Variants in GPR158 observed in about 807,000 individuals in gnomAD.
GPR158 encodes G protein-coupled receptor 158, also known as metabotropic glycine receptor.
A neutral mutation model predicts 78.2 loss-of-function variants in GPR158; 30 were observed. The observed-to-expected ratio is 0.38, with a 90% confidence interval of 0.29 to 0.52. GPR158 has a LOEUF of 0.52. Among genes scored for constraint, GPR158 ranks in the 20% least tolerant of loss-of-function variants. The pLI is 0.83. For synonymous variants in GPR158, 581 were observed against 591.1 expected (o/e 0.98, Z 0.25); for missense variants, 1,463 against 1,523.5 (o/e 0.96, Z 0.66).
rs550858690 is a variant in GPR158 at position 25,526,060 on chromosome 10, C to T, written c.1405-24916C>T. 9.1e-5 allele frequency among the ~76,000 whole-genome samples: 12 copies of T among 132,458 alleles called. 1 individual carries two copies. In the South Asian group the frequency reaches 2.9e-3, roughly 32 times the overall value. The allele number at this position is 132,458 out of a possible 152,430, so 86.9% of individuals were successfully genotyped here. ...GGCAGAGGTTGTAGTGAGCCAAGAT[C>T]GTTGCCACTGCACTCCAGCCTGGGC... On this transcript the variant is annotated intron_variant, in intron 5 of 10. Transcript: ENST00000376351.
At chr10:25,221,542 C>G (rs546101464) in intron 2 of GPR158, among the ~76,000 whole-genome samples, 1 of 152,266 alleles carries the variant, frequency 6.6e-6, no homozygotes, top group East Asian at 1.9e-4. Flanking sequence ...TTCAGACACA[C>G]TGCTATCTGC....
intron 5 of GPR158, among the ~76,000 whole-genome samples, chr10:25,520,950 G>A (rs951251203): frequency 4.6e-5 from 7 of 152,184 alleles, no homozygotes; most frequent in Non-Finnish European, 7.3e-5. Flanking sequence ...AATGGCGGGC[G>A]CCCCTCCCCC....
chr10:25,531,137 C>T (rs973470963), intron 5 of GPR158, among the ~76,000 whole-genome samples: 20 of 151,996 alleles, frequency 1.3e-4, no homozygotes, highest in Non-Finnish European at 2.4e-4. Context: ...TTTTTTGGAA[C>T]CTTTAAGATA....
At chr10:25,363,370 G>A (rs1228963212) in intron 2 of GPR158, among the ~76,000 whole-genome samples, 1 of 151,822 alleles carries the variant, frequency 6.6e-6, no homozygotes, top group Non-Finnish European at 1.5e-5. Flanking sequence ...ATATGACTAA[G>A]CATTCTGTTG....
chr10:25,347,425 G>C (rs1345498720), intron 2 of GPR158, among the ~76,000 whole-genome samples: 1 of 151,986 alleles, frequency 6.6e-6, no homozygotes, highest in Non-Finnish European at 1.5e-5. Context: ...TCTGTCAACT[G>C]TTTTTTACCA....
chr10:25,601,645 T>A lies in GPR158; in HGVS notation c.*2371T>A, dbSNP rs1226310241. The A allele has an allele frequency of 1.3e-5, 2 of 152,638 alleles. No individual in the cohort carries two copies. The highest frequency in any genetic ancestry group is 4.8e-5 in the African/African-American group (2 of 41,552). 9.5% of individuals were successfully genotyped at this position (152,638 alleles called of 1,614,324 possible). ...CATAAATCAGTGAGAGTGCCTAGAG[T>A]CTTTCTGAGAGTTTCATTGCCATTA... On this transcript the variant is annotated 3_prime_UTR_variant, in exon 11 of 11. Transcript: ENST00000376351.
At chr10:25,590,945 G>A (rs987737756) in intron 8 of GPR158, among the ~76,000 whole-genome samples, 3 of 152,050 alleles carry the variant, frequency 2.0e-5, no homozygotes, top group African/African-American at 7.2e-5. Flanking sequence ...CTCAATATAT[G>A]TCAAACTTTA....
At chr10:25,493,347 A>G (rs1835836757) in intron 5 of GPR158, among the ~76,000 whole-genome samples, 1 of 152,096 alleles carries the variant, frequency 6.6e-6, no homozygotes, top group Non-Finnish European at 1.5e-5. Flanking sequence ...TATTCCAGCC[A>G]AGTTTATCTC....
chr10:25,528,597 T>C (rs1374726551), intron 5 of GPR158, among the ~76,000 whole-genome samples: 3 of 152,146 alleles, frequency 2.0e-5, no homozygotes, highest in Non-Finnish European at 4.4e-5. Flanking sequence ...GCAAGAAATC[T>C]ACACTGACAA....
chr10:25,214,377 TTA>T (rs1056777883), intron 1 of GPR158, among the ~76,000 whole-genome samples: 67 of 152,212 alleles, frequency 4.4e-4, no homozygotes, highest in African/African-American at 1.5e-3. Context: ...TAAAATACTT[TTA>T]GACTTTCAGA....
chr10:25,206,053 T>A (rs1420197285), intron 1 of GPR158, among the ~76,000 whole-genome samples: 1 of 150,730 alleles, frequency 6.6e-6, no homozygotes, highest in Non-Finnish European at 1.5e-5. Flanking sequence ...GTGGCACATC[T>A]CGGCTCACTG....
chr10:25,504,985 T>G (rs1305923976), intron 5 of GPR158, among the ~76,000 whole-genome samples: 1 of 152,170 alleles, frequency 6.6e-6, no homozygotes, highest in African/African-American at 2.4e-5. Context: ...TGTGCAGTCT[T>G]AGGAAAATTA....
intron 5 of GPR158, among the ~76,000 whole-genome samples, chr10:25,535,125 A>G (rs1836482940): frequency 6.6e-6 from 1 of 152,192 alleles, no homozygotes; most frequent in African/African-American, 2.4e-5. Flanking sequence ...CTTTGAACCC[A>G]GGTAGATAAC....
intron 4 of GPR158, among the ~76,000 whole-genome samples, chr10:25,418,013 G>A (rs1239355985): frequency 6.6e-6 from 1 of 152,144 alleles, no homozygotes; most frequent in Non-Finnish European, 1.5e-5. Context: ...GAGTAGCTCT[G>A]TGAATTGACA....
intron 1 of GPR158, among the ~76,000 whole-genome samples, chr10:25,196,335 C>T (rs571425592): frequency 3.3e-4 from 50 of 150,912 alleles, no homozygotes; most frequent in South Asian, 1.7e-3. Flanking sequence ...TTTTTGCTCT[C>T]GGATTATTTT....
At chr10:25,444,448 G>A (rs1193544542) in intron 4 of GPR158, among the ~76,000 whole-genome samples, 4 of 151,424 alleles carry the variant, frequency 2.6e-5, no homozygotes, top group Admixed American at 6.6e-5. Flanking sequence ...GTGTTTGAGT[G>A]TGAGTGTATG....
chr10:25,600,757 C>T lies in GPR158; in HGVS notation c.*1483C>T, dbSNP rs528021816. The T allele has an allele frequency of 2.0e-4, 30 of 152,480 alleles. No individual in the cohort carries two copies. The highest frequency in any genetic ancestry group is 7.0e-4 in the African/African-American group (29 of 41,514). The allele number at this position is 152,480 out of a possible 1,614,324, so 9.4% of individuals were successfully genotyped here. On this transcript the variant is annotated 3_prime_UTR_variant, in exon 11 of 11. Coordinates refer to ENST00000376351, the MANE Select transcript of GPR158 (RefSeq NM_020752.3). ...AAATTGCCATTGTGAGCCACTTGCT[C>T]GACATGTAACATGTAAGGTCCATTT...
At chr10:25,326,822 A>G (rs1855040763) in intron 2 of GPR158, among the ~76,000 whole-genome samples, 1 of 152,230 alleles carries the variant, frequency 6.6e-6, no homozygotes, top group Non-Finnish European at 1.5e-5. Flanking sequence ...CAACATATAC[A>G]TATATCAAAA....
chr10:25,490,600 T>C (rs549419593), intron 5 of GPR158, among the ~76,000 whole-genome samples: 4 of 150,760 alleles, frequency 2.7e-5, no homozygotes, highest in East Asian at 2.0e-4. Flanking sequence ...ATTTCATCCA[T>C]GTCCCTACAA....
Sources: allele counts gnomAD v4.1 joint callset (sites outside exome capture counted in the v4.1 genomes callset), GRCh38; gene constraint gnomAD v4.1.1; transcripts MANE v1.5; gene names NCBI Gene and HGNC (gene_info 2026-07-23, HGNC 2026-07-21).